LRRTM4: variants seen among roughly 807,000 people sequenced by gnomAD.
LRRTM4 encodes leucine rich repeat transmembrane neuronal 4.
LRRTM4 carries 25 observed loss-of-function variants against 47.6 expected under a neutral mutation model. That is an observed-to-expected ratio of 0.53 (90% CI 0.38 to 0.73). The LOEUF (loss-of-function observed/expected upper bound fraction) is 0.73. Ranked by LOEUF, LRRTM4 falls within the 30% of genes least tolerant of loss-of-function variation. LRRTM4 has a pLI of 0.00. For synonymous variants in LRRTM4, 311 were observed against 269.5 expected (o/e 1.15, Z -1.51); for missense variants, 638 against 713.4 (o/e 0.89, Z 1.20).
At chr2:76,807,394 A>ATATATG (rs1406900492) in intron 3 of LRRTM4, among the ~76,000 whole-genome samples, 1 of 122,400 alleles carries the variant, frequency 8.2e-6, no homozygotes, top group Admixed American at 8.8e-5. Context: ...ATATATATAT[A>ATATATG]TATATGTATA....
chr2:77,512,118 G>A (rs1679041810), intron 3 of LRRTM4, among the ~76,000 whole-genome samples: 2 of 151,952 alleles, frequency 1.3e-5, no homozygotes, highest in Non-Finnish European at 1.5e-5. Flanking sequence ...ATATTACCTG[G>A]CCTCCCTTGT....
intron 3 of LRRTM4, chr2:76,985,820 A>G (rs1676773897): frequency 6.6e-6 from 1 of 151,984 alleles, no homozygotes; most frequent in Non-Finnish European, 1.5e-5. Flanking sequence ...ATTTTTAATC[A>G]TAAAAGAATA....
At chr2:77,171,599 A>T (rs1354604761) in intron 3 of LRRTM4, among the ~76,000 whole-genome samples, 1 of 151,988 alleles carries the variant, frequency 6.6e-6, no homozygotes, top group Non-Finnish European at 1.5e-5. Flanking sequence ...TTAAGAGCTT[A>T]AGTATGCATA....
intron 3 of LRRTM4, among the ~76,000 whole-genome samples, chr2:77,357,628 G>A (rs1392378384): frequency 1.3e-5 from 2 of 152,030 alleles, no homozygotes; most frequent in East Asian, 3.8e-4. Flanking sequence ...TAAGACAAAG[G>A]CATTTAAAAG....
rs183485870 is a variant in LRRTM4 at position 77,204,630 on chromosome 2, T to G, written c.1551+313688A>C. ...CTATCTTGAGTCAAGCATTCCAGCT[T>G]TGTATGCCATGATATTCTGCCATTC... On this transcript the variant is annotated intron_variant, in intron 3 of 3. Transcript: ENST00000409884. 9.8e-3 allele frequency among the ~76,000 whole-genome samples: 1,490 copies of G among 152,244 alleles called. 10 individuals are homozygous for G. The highest frequency in any genetic ancestry group is 0.016 in the Non-Finnish European group (1,100 of 68,024).
intron 3 of LRRTM4, among the ~76,000 whole-genome samples, chr2:76,919,230 G>T (rs1006213714): frequency 6.6e-6 from 1 of 152,134 alleles, no homozygotes; most frequent in African/African-American, 2.4e-5. Context: ...TAACACCTTT[G>T]TGAGTCAACT....
At chr2:77,283,510 T>C (rs1367160813) in intron 3 of LRRTM4, among the ~76,000 whole-genome samples, 1 of 151,996 alleles carries the variant, frequency 6.6e-6, no homozygotes, top group Non-Finnish European at 1.5e-5. Context: ...ACCAAAAAAA[T>C]ACCTGCATTC....
chr2:77,089,051 A>G (rs938030759), intron 3 of LRRTM4, among the ~76,000 whole-genome samples: 6 of 151,802 alleles, frequency 4.0e-5, no homozygotes, highest in East Asian at 3.9e-4. Context: ...CTGCAGGGAC[A>G]CCTCTCTGAT....
intron 3 of LRRTM4, among the ~76,000 whole-genome samples, chr2:77,034,662 G>T (rs1678774705): frequency 6.6e-6 from 1 of 151,844 alleles, no homozygotes; most frequent in Non-Finnish European, 1.5e-5. Flanking sequence ...TAAATCCAGA[G>T]GCTTGTTTAG....
At position 77,077,861 on chromosome 2, in the gene LRRTM4, C is replaced by A. The variant is rs997376905; in HGVS notation, c.1552-328945G>T. ...ATTTTGATTAATAAGCTATATAGAA[C>A]ACATTCATGGTAATTAGCACATGTC... On this transcript the variant is annotated intron_variant, in intron 3 of 3. Transcript: ENST00000409884. 3.3e-5 allele frequency among the ~76,000 whole-genome samples: 5 copies of A among 152,126 alleles called. No homozygotes were observed. In the East Asian group the frequency reaches 9.6e-4, roughly 29 times the overall value.
rs543211803 is a variant in LRRTM4 at position 77,332,495 on chromosome 2, A to G, written c.1551+185823T>C. Among the ~76,000 whole-genome samples the G allele has an allele frequency of 3.3e-5, 5 of 152,296 alleles. No homozygotes were observed. In the South Asian group the frequency reaches 1.0e-3, roughly 32 times the overall value. ...TATGTATGCATAGGATAATATGAGA[A>G]TTGGTCATGAGGATTTCTTCCCTTA... is the stretch of plus-strand genomic sequence containing the variant. On this transcript the variant is annotated intron_variant, in intron 3 of 3. Coordinates refer to ENST00000409884, the MANE Select transcript of LRRTM4 (RefSeq NM_001134745.3).
chr2:77,438,393 ATTTTTTTTT>A lies in LRRTM4; in HGVS notation c.1551+79916_1551+79924del, dbSNP rs70956631. 4.8e-4 allele frequency among the ~76,000 whole-genome samples: 48 copies of A among 100,182 alleles called. No individual in the cohort carries two copies. In the East Asian group the frequency reaches 8.8e-3, roughly 18 times the overall value. 65.7% of individuals were successfully genotyped at this position (100,182 alleles called of 152,430 possible). ...TACATTTTCGCTCTCGATCATGATA[ATTTTTTTTT>A]TTTTTTTTTTTTTTTTTTTTTTGAG... On this transcript the variant is annotated intron_variant, in intron 3 of 3. Transcript: ENST00000409884.
intron 3 of LRRTM4, among the ~76,000 whole-genome samples, chr2:77,241,235 CACACACACACAT>C (rs70939850): frequency 0.46 from 60,507 of 131,210 alleles, 14,032 homozygotes; most frequent in Admixed American, 0.53. Flanking sequence ...CACACACACA[CACACACACACAT>C]GGGTCTAGAA....
chr2:77,058,174 G>T (rs960818755), intron 3 of LRRTM4, among the ~76,000 whole-genome samples: 3 of 152,150 alleles, frequency 2.0e-5, no homozygotes, highest in Non-Finnish European at 4.4e-5. Context: ...AAGTCAGTCT[G>T]TTTGAGGTTG....
At chr2:76,781,050 G>T (rs1345591148) in intron 3 of LRRTM4, among the ~76,000 whole-genome samples, 1 of 151,828 alleles carries the variant, frequency 6.6e-6, no homozygotes, top group East Asian at 1.9e-4. Context: ...GTGCTTGGGG[G>T]TGCCTCCCAG....
chr2:76,855,678 T>A (rs1558695326), intron 3 of LRRTM4, among the ~76,000 whole-genome samples: 1 of 152,154 alleles, frequency 6.6e-6, no homozygotes, highest in Non-Finnish European at 1.5e-5. Flanking sequence ...TGAAAGCATA[T>A]ATGCAGATGA....
intron 3 of LRRTM4, among the ~76,000 whole-genome samples, chr2:77,123,245 A>AGAGAGAGAG: frequency 1.1e-5 from 1 of 91,072 alleles, no homozygotes; most frequent in East Asian, 3.9e-4. Flanking sequence ...GAGAGAGAGA[A>AGAGAGAGAG]ATTTAATTCA....
At chr2:77,071,256 T>G (rs1680146794) in intron 3 of LRRTM4, among the ~76,000 whole-genome samples, 1 of 152,110 alleles carries the variant, frequency 6.6e-6, no homozygotes. Context: ...TAAACTTTAA[T>G]TTGTTTGTGC....
intron 3 of LRRTM4, among the ~76,000 whole-genome samples, chr2:77,364,122 A>C (rs1672345986): frequency 7.3e-6 from 1 of 136,950 alleles, no homozygotes; most frequent in Non-Finnish European, 1.6e-5. Flanking sequence ...AATGCCATGG[A>C]TGACTACAAA....
Sources: gnomAD v4.1 joint callset for allele counts (sites outside exome capture counted in the v4.1 genomes callset) on GRCh38, gnomAD v4.1.1 for gene constraint, MANE v1.5 for transcripts, NCBI Gene and HGNC (gene_info 2026-07-23, HGNC 2026-07-21) for gene names.